Variants in SBF1 observed in about 807,000 individuals in gnomAD.
The protein encoded by SBF1 is SET binding factor 1.
SBF1 carries 65 observed loss-of-function variants against 215.8 expected under a neutral mutation model. The ratio of observed to expected loss-of-function variants is 0.30; its 90% confidence interval spans 0.25 to 0.37. The LOEUF (loss-of-function observed/expected upper bound fraction) is 0.37. SBF1 is among the 10% of genes least tolerant of loss of function. The pLI is 1.00. For missense variants in SBF1, 2,634 were observed against 2,667.8 expected, an observed-to-expected ratio of 0.99 and a Z score of 0.28; for synonymous variants, 1,410 against 1,122.8, an observed-to-expected ratio of 1.26 and a Z score of -5.11.
Position 50,459,632 on chromosome 22 carries a change from G to C in SBF1, c.3526C>G (p.Gln1176Glu), listed in dbSNP as rs753463350. ...GACACGCGCTGCAGGGCGTTGTCCTGGACACTCTGGGGCACGATCAGCAGC... is the reference window on the plus strand; with the variant it reads ...GACACGCGCTGCAGGGCGTTGTCCTCGACACTCTGGGGCACGATCAGCAGC... ...PGLLIVPQSV[Q>E]DNALQRVSRC... is the part of the protein sequence containing the mutation. Residue 1176 changes from glutamine (Q) to glutamate (E), a missense_variant, in exon 27 of 41, where the codon CAG becomes GAG. Physicochemically the swap from Gln to Glu is conservative, Grantham distance 29. Coordinates refer to ENST00000380817, the MANE Select transcript of SBF1 (RefSeq NM_002972.4). 4 of 1,608,572 alleles carry C rather than the reference G, an allele frequency of 2.5e-6. No homozygotes were observed. The South Asian group carries it at 4.4e-5, about 18-fold the overall frequency.
chr22:50,450,741 T>G (rs2067013192), intron 36 of SBF1, among the ~76,000 whole-genome samples: 1 of 152,004 alleles, frequency 6.6e-6, no homozygotes, highest in Non-Finnish European at 1.5e-5. Context: ...GAAACAAGCT[T>G]CAAACAGACC....
intron 1 of SBF1, among the ~76,000 whole-genome samples, chr22:50,469,425 CCGG>C (rs2067915760): frequency 1.3e-5 from 2 of 152,212 alleles, no homozygotes; most frequent in Admixed American, 1.3e-4. Flanking sequence ...CCAGTCCACA[CCGG>C]TGGGGTAAAG....
Position 50,459,299 on chromosome 22 carries a change from C to G in SBF1, c.3782G>C (p.Arg1261Pro). The G allele has an allele frequency of 6.2e-7, 1 of 1,611,674 alleles. No homozygotes were observed. The highest frequency in any genetic ancestry group is 1.1e-5 in the South Asian group (1 of 91,032). Residue 1261 changes from arginine to proline, a missense_variant, in exon 28 of 41, where the codon CGC becomes CCC. Arg to Pro is a moderately radical substitution (Grantham distance 103, BLOSUM62 -2). Transcript: ENST00000380817. The stretch of plus-strand genomic sequence containing the variant: ...TGAGGAGAAGCCGCTAAGCGTGTTG[C>G]GTCCCGACGCGTCGGCGTAGCGGGG... ...SMPRYADASG[R>P]NTLSGFSSAH...
rs1440890133 is a variant in SBF1 at position 50,468,020 on chromosome 22, C to T, written c.142-97G>A. 2.1e-6 allele frequency: 3 copies of T among 1,445,876 alleles called. No individual in the cohort carries two copies. In the East Asian group the frequency reaches 7.0e-5, roughly 34 times the overall value. The allele number at this position is 1,445,876 out of a possible 1,614,324, so 89.6% of individuals were successfully genotyped here. On this transcript the variant is annotated intron_variant, in intron 2 of 40. Transcript: ENST00000380817. Reference sequence around the variant, plus strand: ...TCTGCACCACCAGGCCTGGAGGCTCCAACACACACAGGCAGCTCCTTGCTT... The same window carrying T: ...TCTGCACCACCAGGCCTGGAGGCTCTAACACACACAGGCAGCTCCTTGCTT...
intron 23 of SBF1, 49 bp from the exon 24 acceptor site, chr22:50,460,761 C>T (rs765275419): frequency 3.8e-6 from 6 of 1,568,724 alleles, no homozygotes; most frequent in Non-Finnish European, 5.2e-6. Flanking sequence ...CCCCCAGCCC[C>T]TCCCCCAACT....
rs757006253 is a variant in SBF1 at position 50,454,736 on chromosome 22, G to A, written c.4819C>T (p.Arg1607Trp). Residue 1607 changes from arginine (R) to tryptophan (W), a missense_variant, in exon 36 of 41, where the codon CGG becomes TGG. Arg to Trp is a moderately radical substitution (Grantham distance 101). Coordinates refer to ENST00000380817, the MANE Select transcript of SBF1 (RefSeq NM_002972.4). The part of the protein sequence containing the change: ...MYAPEDAEVL[R>W]PYSNVSNLKV... ...AGGTTGGACACGTTGCTGTAGGGCC[G>A]CAGGACCTGAGGGTGGGCCTGTGGT... The A allele has an allele frequency of 5.1e-6, 8 of 1,576,804 alleles. No individual in the cohort carries two copies. The highest frequency in any genetic ancestry group is 4.5e-5 in the East Asian group (2 of 44,578).
chr22:50,471,826 G>A (rs1231504544), intron 1 of SBF1, among the ~76,000 whole-genome samples: 1 of 152,194 alleles, frequency 6.6e-6, no homozygotes, highest in African/African-American at 2.4e-5. Context: ...AGGAACGTGG[G>A]TGGGGACAGT....
chr22:50,456,662 T>C lies in SBF1; in HGVS notation c.3916A>G (p.Ser1306Gly). ...CTGCTGCGTCCACTGGTCCGGACACTGCCCCACTTACCTGTGAAGGAGATG... is the reference window on the plus strand; with the variant it reads ...CTGCTGCGTCCACTGGTCCGGACACCGCCCCACTTACCTGTGAAGGAGATG... ...RRTAPRGKWG[S>G]VRTSGRSSGL... is the part of the protein sequence containing the mutation. Residue 1306 changes from serine (S) to glycine (G), a missense_variant, in exon 30 of 41, where the codon AGT (serine) becomes GGT (glycine). Coordinates refer to ENST00000380817, the MANE Select transcript of SBF1 (RefSeq NM_002972.4). 4.1e-6 allele frequency: 6 copies of C among 1,481,464 alleles called. No individual in the cohort carries two copies. Among genetic ancestry groups the C allele is most frequent in the Non-Finnish European group, 5.4e-6 (6 of 1,115,226 alleles). 91.8% of individuals were successfully genotyped at this position (1,481,464 alleles called of 1,614,324 possible).
intron 29 of SBF1, 63 bp downstream of exon 29, chr22:50,456,971 G>C: frequency 1.5e-6 from 2 of 1,295,310 alleles, no homozygotes; most frequent in Non-Finnish European, 2.0e-6. Flanking sequence ...ATAACTCAGT[G>C]CACACTAGAG....
At position 50,460,347 on chromosome 22, in the gene SBF1, G is replaced by A. The variant is rs774394154; in HGVS notation, c.3208C>T (p.Arg1070Cys). Residue 1070 changes from arginine (R) to cysteine (C), a missense_variant, in exon 25 of 41, where the codon CGC becomes TGC. Physicochemically the swap from Arg to Cys is radical, Grantham distance 180. Coordinates refer to ENST00000380817, the MANE Select transcript of SBF1 (RefSeq NM_002972.4). ...KKTIGRQHVT[R>C]KKYNPPSWEH... ...CAGCTGGGGGGGTTGTACTTCTTGC[G>A]AGTGACATGCTGCCGCCCGATGGTC... 6.8e-6 allele frequency: 11 copies of A among 1,613,542 alleles called. No homozygotes were observed. Among genetic ancestry groups the A allele is most frequent in the Non-Finnish European group, 9.3e-6 (11 of 1,179,694 alleles).
intron 1 of SBF1, among the ~76,000 whole-genome samples, chr22:50,474,065 G>T (rs1295414500): frequency 1.3e-5 from 2 of 152,140 alleles, no homozygotes; most frequent in African/African-American, 2.4e-5. Flanking sequence ...CTCCTGGGCT[G>T]AAGAGCTCTC....
chr22:50,474,817 G>A lies in SBF1; in HGVS notation c.24C>T (p.Phe8=), dbSNP rs1361086163. Residue 8 remains phenylalanine (F), a synonymous_variant, in exon 1 of 41, where the codon TTC becomes TTT. Coordinates refer to ENST00000380817, the MANE Select transcript of SBF1 (RefSeq NM_002972.4). The part of the protein sequence containing the change: MARLADY[F]VLVAFGPHPR... ...GGTGCGGCCCGAACGCCACCAGCAC[G>A]AAGTAGTCCGCGAGCCGCGCCATGG... 1 of 1,439,246 alleles carries A rather than the reference G, an allele frequency of 6.9e-7. No individual in the cohort carries two copies. The highest frequency in any genetic ancestry group is 9.1e-7 in the Non-Finnish European group (1 of 1,098,648). 89.2% of individuals were successfully genotyped at this position (1,439,246 alleles called of 1,614,324 possible).
chr22:50,460,448 G>GGAGGAGGA (rs562122916), intron 24 of SBF1, 40 bp from the exon 25 acceptor site: 5 of 1,602,492 alleles, frequency 3.1e-6, no homozygotes, highest in Non-Finnish European at 4.3e-6. Context: ...GAGGAGGAGG[G>GGAGGAGGA]ACAAAGATGA....
In SBF1 at chr22:50,456,283, C is replaced by G. The variant is rs368452573; in HGVS notation, c.4199G>C (p.Cys1400Ser). The change falls in exon 31 of 41, where the codon TGC becomes TCC. Residue 1400 changes from cysteine to serine, a missense_variant. Transcript: ENST00000380817. ...GGCTGGGCTGGGCTCAGCAGCGGGGCAGCCTGGGACACATGCTTTCAGCAG... is the reference window on the plus strand; with the variant it reads ...GGCTGGGCTGGGCTCAGCAGCGGGGGAGCCTGGGACACATGCTTTCAGCAG... ...KKLLKACVPG[C>S]PAAEPSPASF... is the part of the protein sequence containing the mutation. 6.2e-7 allele frequency: 1 copy of G among 1,612,716 alleles called. No homozygotes were observed. Among genetic ancestry groups the G allele is most frequent in the African/African-American group, 1.3e-5 (1 of 74,920 alleles).
In SBF1 at chr22:50,460,104, G is replaced by A. The variant is rs149160974; in HGVS notation, c.3339C>T (p.Ser1113=). 9,819 of 1,613,542 alleles carry A rather than the reference G, an allele frequency of 6.1e-3. 43 individuals carry two copies. The highest frequency in any genetic ancestry group is 6.6e-3 in the Non-Finnish European group (7,839 of 1,179,992). ...TLTPSSALKP[S]DRMTMSSLVE... The stretch of plus-strand genomic sequence containing the variant: ...CCAGGCTGCTCATGGTCATGCGGTC[G>A]GAGGGCTTCAGGGCTGAGGACGGGG... The change falls in exon 26 of 41, where the codon TCC becomes TCT. Residue 1113 remains serine (S), a synonymous_variant. Transcript: ENST00000380817.
At chr22:50,453,808 C>T (rs1603430950) in intron 36 of SBF1, among the ~76,000 whole-genome samples, 1 of 151,984 alleles carries the variant, frequency 6.6e-6, no homozygotes, top group African/African-American at 2.4e-5. Context: ...AAAAAGATAA[C>T]CTCTAAGGCC....
intron 28 of SBF1, among the ~76,000 whole-genome samples, chr22:50,458,300 G>A (rs1399913292): frequency 1.1e-4 from 11 of 96,568 alleles, no homozygotes; most frequent in East Asian, 2.6e-4. Context: ...GAAAGACTCC[G>A]ACTCAAAAAA....
In SBF1 at chr22:50,467,457, A is replaced by C. The variant is rs749921876; in HGVS notation, c.439-9T>G. On this transcript the variant is annotated splice_polypyrimidine_tract_variant and intron_variant, in intron 4 of 40. Coordinates refer to ENST00000380817, the MANE Select transcript of SBF1 (RefSeq NM_002972.4). Reference sequence around the variant, plus strand: ...ATGAGGCCAAGGCTGTTCTGCAATGACCAGAGCGGGGAGTGGTGGGACAGC... The same window carrying C: ...ATGAGGCCAAGGCTGTTCTGCAATGCCCAGAGCGGGGAGTGGTGGGACAGC... The C allele has an allele frequency of 6.2e-7, 1 of 1,614,078 alleles. No homozygotes were observed. Among genetic ancestry groups the C allele is most frequent in the East Asian group, 2.2e-5 (1 of 44,888 alleles).
intron 1 of SBF1, 146 bp downstream of exon 1, chr22:50,474,640 A>C: frequency 3.8e-6 from 1 of 263,242 alleles, no homozygotes; most frequent in Non-Finnish European, 5.7e-6. Context: ...CTCGGCCCTC[A>C]GCGCCCGGCC....
Sources: gnomAD v4.1 joint callset for allele counts (sites outside exome capture counted in the v4.1 genomes callset) on GRCh38, gnomAD v4.1.1 for gene constraint, MANE v1.5 for transcripts, NCBI Gene and HGNC (gene_info 2026-07-23, HGNC 2026-07-21) for gene names.